The following HDAC11 variants were observed in gnomAD, a reference collection of about 807,000 sequenced individuals.
The protein encoded by HDAC11 is histone deacetylase 11.
Under a neutral mutation model 41.1 loss-of-function variants are expected in HDAC11, and 23 were observed. That is an observed-to-expected ratio of 0.56 (90% CI 0.40 to 0.79). The LOEUF is 0.79. Among genes scored for constraint, HDAC11 ranks in the 30% least tolerant of loss-of-function variants. The probability of loss-of-function intolerance (pLI) is 0.00; values close to 1 mark genes in which losing one functional copy is unlikely to be tolerated. For synonymous variants in HDAC11, 187 were observed against 186.6 expected (o/e 1.00, Z -0.02); for missense variants, 402 against 477.3 (o/e 0.84, Z 1.47).
intron 4 of HDAC11, among the ~76,000 whole-genome samples, chr3:13,497,854 C>CTTTTTTTTTTTT (rs10667297): frequency 9.4e-6 from 1 of 106,078 alleles, no homozygotes; most frequent in Non-Finnish European, 1.8e-5. Context: ...TCTTTTTTTG[C>CTTTTTTTTTTTT]TTTTTTTTTT....
chr3:13,504,440 C>G, intron 9 of HDAC11, 28 bp from the exon 10 acceptor site: 1 of 1,611,488 alleles, frequency 6.2e-7, no homozygotes, highest in Non-Finnish European at 8.5e-7. Flanking sequence ...TCTGGCCTGC[C>G]TGAGTCACCC....
At chr3:13,498,412 C>G in intron 4 of HDAC11, 101 bp from the exon 5 acceptor site, 1 of 1,434,636 alleles carries the variant, frequency 7.0e-7, no homozygotes, top group South Asian at 1.2e-5. Flanking sequence ...TCCCCCAGAG[C>G]TGGCTAGAAG....
intron 2 of HDAC11, among the ~76,000 whole-genome samples, chr3:13,481,743 C>G (rs1312900591): frequency 6.6e-6 from 1 of 152,162 alleles, no homozygotes; most frequent in Non-Finnish European, 1.5e-5. Flanking sequence ...AGCACCTCCA[C>G]CGCACCTCTC....
rs570493059 is a variant in HDAC11, at chr3:13,502,216, G to C, written c.552+283G>C. 55 of 432,024 alleles carry C rather than the reference G, an allele frequency of 1.3e-4. No homozygotes were observed. Among genetic ancestry groups the C allele is most frequent in the Admixed American group, 7.0e-4 (18 of 25,716 alleles). The allele number at this position is 432,024 out of a possible 1,614,324, so 26.8% of individuals were successfully genotyped here. A position where few individuals can be genotyped will look rare whatever the true frequency, so the allele number is the denominator to read the frequency against. On this transcript the variant is annotated intron_variant, in intron 7 of 9. Transcript: ENST00000295757. This position sits in a 1 kb window ranked among gnomAD's most constrained non-coding sequence, Gnocchi z 4.1. ...GGACTGCTCTCGTGTGCAGAGCTCT[G>C]CTGTGGGTCCCCATTGCTTATGAAT...
rs777989735 is a variant in HDAC11, at chr3:13,483,577, G to A, written c.252+13G>A. ...TAATGAGCTCAAGGTACAGGATGTCGGGCCTGGGGGGCTGCGGGCCTGGGG... is the reference window on the plus strand; with the variant it reads ...TAATGAGCTCAAGGTACAGGATGTCAGGCCTGGGGGGCTGCGGGCCTGGGG... On this transcript the variant is annotated intron_variant, in intron 3 of 9. Transcript: ENST00000295757. 23 of 1,601,202 alleles carry A rather than the reference G, an allele frequency of 1.4e-5. 1 individual carries two copies. The highest frequency in any genetic ancestry group is 5.0e-5 in the Admixed American group (3 of 59,840).
At position 13,480,594 on chromosome 3, in the gene HDAC11, G is replaced by T. The variant is rs992694247; in HGVS notation, c.2+245G>T. 9 of 297,974 alleles carry T rather than the reference G, an allele frequency of 3.0e-5. No homozygotes were observed. Among genetic ancestry groups the T allele is most frequent in the African/African-American group, 1.1e-4 (5 of 44,600 alleles). The allele number at this position is 297,974 out of a possible 1,614,324, so 18.5% of individuals were successfully genotyped here. A position where few individuals can be genotyped will look rare whatever the true frequency, so the allele number is the denominator to read the frequency against. On this transcript the variant is annotated intron_variant, in intron 1 of 9. Transcript: ENST00000295757. The surrounding 1 kb of genome is among the most constrained non-coding windows in gnomAD (Gnocchi z 4.6). ...GCGGGCCTGGGCCCGGACCCGGAGCGGTCGGGCGATGTGCGCGGGTCTGAC... is the reference window on the plus strand; with the variant it reads ...GCGGGCCTGGGCCCGGACCCGGAGCTGTCGGGCGATGTGCGCGGGTCTGAC...
In HDAC11 at chr3:13,490,839, C is replaced by T. The variant is rs139735151; in HGVS notation, c.253-5897C>T. On this transcript the variant is annotated intron_variant, in intron 3 of 9. Coordinates refer to ENST00000295757, the MANE Select transcript of HDAC11 (RefSeq NM_024827.4). The stretch of plus-strand genomic sequence containing the variant: ...GATCTCGGCTCACTGCAACCTCCGC[C>T]TCCCAGGTTCAAGCGATTTTTCTGC... Among the ~76,000 whole-genome samples the T allele has an allele frequency of 1.4e-3, 210 of 146,382 alleles. 1 individual carries two copies. The highest frequency in any genetic ancestry group is 4.8e-3 in the African/African-American group (192 of 39,588).
intron 3 of HDAC11, among the ~76,000 whole-genome samples, chr3:13,495,762 C>T (rs745917691): frequency 1.3e-5 from 2 of 152,210 alleles, no homozygotes; most frequent in Non-Finnish European, 2.9e-5. Flanking sequence ...CACTTCTCTG[C>T]CCACAGATAC....
chr3:13,506,258 C>T lies in HDAC11; in HGVS notation c.*1575C>T, dbSNP rs977592167. On this transcript the variant is annotated 3_prime_UTR_variant, in exon 10 of 10. Coordinates refer to ENST00000295757, the MANE Select transcript of HDAC11 (RefSeq NM_024827.4). ...GGTTTGTCACTGTTGAGCTTCTGTTCCTAGAGAATCCTAGAGGCTTGATTG... is the reference window on the plus strand; with the variant it reads ...GGTTTGTCACTGTTGAGCTTCTGTTTCTAGAGAATCCTAGAGGCTTGATTG... The T allele has an allele frequency of 1.3e-5, 2 of 152,204 alleles. No individual in the cohort carries two copies. The highest frequency in any genetic ancestry group is 2.9e-5 in the Non-Finnish European group (2 of 68,060). The allele number at this position is 152,204 out of a possible 1,614,324, so 9.4% of individuals were successfully genotyped here. A position where few individuals can be genotyped will look rare whatever the true frequency, so the allele number is the denominator to read the frequency against.
At chr3:13,503,029 G>T (rs557926665) in intron 8 of HDAC11, 49 bp downstream of exon 8, 1 of 1,405,800 alleles carries the variant, frequency 7.1e-7, no homozygotes, top group African/African-American at 1.4e-5. Context: ...TGTGGATGAG[G>T]CTCTCTCCTG....
intron 3 of HDAC11, chr3:13,496,510 A>G (rs1574906090): frequency 2.3e-6 from 1 of 438,464 alleles, no homozygotes; most frequent in Non-Finnish European, 4.0e-6. Context: ...ACTAGCTTTA[A>G]GAAATGCATT....
At chr3:13,494,501 A>C (rs1702004198) in intron 3 of HDAC11, among the ~76,000 whole-genome samples, 1 of 152,180 alleles carries the variant, frequency 6.6e-6, no homozygotes, top group Admixed American at 6.5e-5. Flanking sequence ...ATACACACAC[A>C]TACATACACT....
chr3:13,483,537 C>T lies in HDAC11; in HGVS notation c.225C>T (p.His75=). ...EASEEDLLVV[H]TRRYLNELKW... ...CGGAGGAGGACCTGCTGGTGGTGCA[C>T]ACGAGGCGCTATCTTAATGAGCTCA... Residue 75 remains histidine (H), a synonymous_variant, in exon 3 of 10, where the codon CAC becomes CAT. Coordinates refer to ENST00000295757, the MANE Select transcript of HDAC11 (RefSeq NM_024827.4). The T allele has an allele frequency of 6.2e-7, 1 of 1,613,610 alleles. No individual in the cohort carries two copies. The highest frequency in any genetic ancestry group is 8.5e-7 in the Non-Finnish European group (1 of 1,179,810).
rs371449058 is a variant in HDAC11, at chr3:13,504,706, G to A, written c.*23G>A. ...TGACCCTTGCTGCCCTGCCTGTCACGTGGCCCTGCCTATCCGCCCCTTAGT... is the reference window on the plus strand; with the variant it reads ...TGACCCTTGCTGCCCTGCCTGTCACATGGCCCTGCCTATCCGCCCCTTAGT... On this transcript the variant is annotated 3_prime_UTR_variant, in exon 10 of 10. Transcript: ENST00000295757. The A allele has an allele frequency of 8.1e-6, 13 of 1,597,160 alleles. No individual in the cohort carries two copies. The highest frequency in any genetic ancestry group is 6.7e-5 in the Admixed American group (4 of 59,966).
intron 5 of HDAC11, among the ~76,000 whole-genome samples, chr3:13,498,799 C>T (rs941258256): frequency 2.6e-5 from 4 of 152,102 alleles, no homozygotes; most frequent in African/African-American, 9.7e-5. Flanking sequence ...AGGAGGTCCC[C>T]GGGTGGTTCC....
At chr3:13,485,456 G>T (rs1701514965) in intron 3 of HDAC11, among the ~76,000 whole-genome samples, 1 of 152,212 alleles carries the variant, frequency 6.6e-6, no homozygotes, top group Non-Finnish European at 1.5e-5. Context: ...GCGCTCAGCT[G>T]GGGCAGGGAG....
intron 4 of HDAC11, among the ~76,000 whole-genome samples, chr3:13,497,739 TTA>T (rs1473877493): frequency 6.6e-6 from 1 of 152,184 alleles, no homozygotes; most frequent in Non-Finnish European, 1.5e-5. Context: ...TACAGTTCTG[TTA>T]TGTTTGTAAA....
intron 4 of HDAC11, 97 bp from the exon 5 acceptor site, chr3:13,498,416 C>T: frequency 6.8e-7 from 1 of 1,473,872 alleles, no homozygotes; most frequent in Non-Finnish European, 9.5e-7. Flanking sequence ...CCAGAGCTGG[C>T]TAGAAGCAGT....
intron 3 of HDAC11, 157 bp from the exon 4 acceptor site, chr3:13,496,579 C>G (rs2290195): frequency 0.21 from 123,179 of 580,282 alleles, 13,973 homozygotes; most frequent in Middle Eastern, 0.31. Flanking sequence ...GGTTGTGGCT[C>G]TGGCTCTCAT....
Sources: allele counts gnomAD v4.1 joint callset (sites outside exome capture counted in the v4.1 genomes callset), GRCh38; gene constraint gnomAD v4.1.1; non-coding constraint Gnocchi (gnomAD v3.1); transcripts MANE v1.5; gene names NCBI Gene and HGNC (gene_info 2026-07-23, HGNC 2026-07-21).